The following ANO7 variants were observed in gnomAD, a reference collection of about 807,000 sequenced individuals.
ANO7 encodes anoctamin-7.
Under a neutral mutation model 115.8 loss-of-function variants are expected in ANO7, and 114 were observed. That is an observed-to-expected ratio of 0.98 (90% CI 0.85 to 1.15). The LOEUF (loss-of-function observed/expected upper bound fraction) is 1.15, where lower values mean the gene tolerates loss of function less well. Ranked by LOEUF, ANO7 falls within the 50% of genes most tolerant of loss-of-function variation. The probability of loss-of-function intolerance (pLI) is 0.00; values close to 1 mark genes in which losing one functional copy is unlikely to be tolerated. For synonymous variants in ANO7, 550 were observed against 498.2 expected, an observed-to-expected ratio of 1.10 and a Z score of -1.38; for missense variants, 1,302 against 1,201.2, an observed-to-expected ratio of 1.08 and a Z score of -1.24.
intron 21 of ANO7, 76 bp from the exon 22 acceptor site, chr2:241,223,110 T>TAGG: frequency 7.6e-7 from 1 of 1,309,802 alleles, no homozygotes; most frequent in East Asian, 2.3e-5. Context: ...AAAGGGGAGA[T>TAGG]AGGCTAATTC....
At chr2:241,196,644 A>G (rs552321356) in intron 4 of ANO7, among the ~76,000 whole-genome samples, 5 of 152,336 alleles carry the variant, frequency 3.3e-5, no homozygotes, top group Non-Finnish European at 7.3e-5. Flanking sequence ...GGCAGAGCTG[A>G]ATCTCATGCG....
In ANO7 at chr2:241,210,281, C is replaced by T. The variant is rs762734506; in HGVS notation, c.1360-14C>T. The T allele has an allele frequency of 6.2e-7, 1 of 1,613,386 alleles. No homozygotes were observed. The stretch of plus-strand genomic sequence containing the variant: ...ACACCGTGAAGGGTCTCACGGGCCT[C>T]CCTGCCCCCGCAGGTGGCCGTGGTG... On this transcript the variant is annotated splice_polypyrimidine_tract_variant and intron_variant, in intron 13 of 24. Coordinates refer to ENST00000674324, the MANE Select transcript of ANO7 (RefSeq NM_001370694.2).
intron 3 of ANO7, among the ~76,000 whole-genome samples, chr2:241,194,179 AT>A (rs59855055): frequency 0.26 from 32,135 of 123,884 alleles, 3,450 homozygotes; most frequent in Middle Eastern, 0.35. Context: ...CTGGCCTTTA[AT>A]TTTTTTTTTT....
At chr2:241,196,838 CGTGTGTGTGTGTGTGTGTGTGTGTGT>C (rs60120827) in intron 4 of ANO7, among the ~76,000 whole-genome samples, 11 of 147,022 alleles carry the variant, frequency 7.5e-5, no homozygotes, top group African/African-American at 1.8e-4. Context: ...TCAATTCATT[CGTGTGTGTGTGTGTGTGTGTGTGTGT>C]GTGTGTGTGT....
At chr2:241,211,864 A>G (rs1359719957) in intron 15 of ANO7, among the ~76,000 whole-genome samples, 1 of 152,168 alleles carries the variant, frequency 6.6e-6, no homozygotes, top group African/African-American at 2.4e-5. Flanking sequence ...TGTGCACCAC[A>G]TTCATTATTA....
intron 3 of ANO7, among the ~76,000 whole-genome samples, chr2:241,193,939 C>T (rs62187429): frequency 0.3 from 46,198 of 152,168 alleles, 8,574 homozygotes; most frequent in Middle Eastern, 0.46. Context: ...TGCAAGGGCA[C>T]GATCTTGGCT....
At chr2:241,201,183 C>G in intron 6 of ANO7, 115 bp from the exon 7 acceptor site, 1 of 1,255,942 alleles carries the variant, frequency 8.0e-7, no homozygotes, top group East Asian at 2.8e-5. Context: ...GCGCCAGCAC[C>G]CGGGCCCCAA....
chr2:241,221,933 G>C (rs891688809), intron 21 of ANO7, among the ~76,000 whole-genome samples: 2 of 152,158 alleles, frequency 1.3e-5, no homozygotes, highest in African/African-American at 4.8e-5. Flanking sequence ...ACCTGTCTCA[G>C]CCTTCTAAAG....
chr2:241,212,328 A>G (rs2068735643), intron 16 of ANO7, 123 bp downstream of exon 16: 1 of 1,076,626 alleles, frequency 9.3e-7, no homozygotes, highest in Non-Finnish European at 1.4e-6. Context: ...GGAACCGGAG[A>G]CCCAGGCAGG....
rs745318300 is a variant in ANO7 at position 241,223,798 on chromosome 2, A to T, written c.2532+17A>T. ...GAGAATGAGGTGAACTGTACAGCCC[A>T]GTCTCGGCCCTCCCCCCAGCCCTCT... On this transcript the variant is annotated intron_variant, in intron 23 of 24. Transcript: ENST00000674324. 1.1e-5 allele frequency: 17 copies of T among 1,614,200 alleles called. No homozygotes were observed. In the South Asian group the frequency reaches 1.8e-4, roughly 17 times the overall value.
At position 241,209,489 on chromosome 2, in the gene ANO7, C is replaced by G; in HGVS notation, c.1222-9C>G. The stretch of plus-strand genomic sequence containing the variant: ...CGAGGGCCGCCACTGAGCACCGGCT[C>G]CCTTCCAGGAGAGGCCTCGGCCCCA... On this transcript the variant is annotated splice_polypyrimidine_tract_variant and intron_variant, in intron 12 of 24. Coordinates refer to ENST00000674324, the MANE Select transcript of ANO7 (RefSeq NM_001370694.2). 6.3e-7 allele frequency: 1 copy of G among 1,598,374 alleles called. No homozygotes were observed. Among genetic ancestry groups the G allele is most frequent in the African/African-American group, 1.3e-5 (1 of 74,794 alleles).
At chr2:241,209,750 C>A in intron 13 of ANO7, 115 bp downstream of exon 13, 1 of 1,384,558 alleles carries the variant, frequency 7.2e-7, no homozygotes, top group Non-Finnish European at 9.5e-7. Context: ...GGGCACAGAA[C>A]CCTCACTCCC....
At chr2:241,192,783 C>T (rs1387417767) in intron 3 of ANO7, among the ~76,000 whole-genome samples, 5 of 152,158 alleles carry the variant, frequency 3.3e-5, no homozygotes, top group East Asian at 1.9e-4. Context: ...AACGGGGATG[C>T]GCCTTGTGGA....
At chr2:241,232,405 A>AGCTG in the ANO7 span, among the ~76,000 whole-genome samples, 1 of 151,992 alleles carries the variant, frequency 6.6e-6, no homozygotes, top group East Asian at 1.9e-4. Context: ...TCTCCCGAGT[A>AGCTG]GCTGGGATTA....
At position 241,224,339 on chromosome 2, in the gene ANO7, A is replaced by G; in HGVS notation, c.*186A>G. 1 of 643,920 alleles carries G rather than the reference A, an allele frequency of 1.6e-6. No individual in the cohort carries two copies. Among genetic ancestry groups the G allele is most frequent in the South Asian group, 2.0e-5 (1 of 50,956 alleles). 39.9% of individuals were successfully genotyped at this position (643,920 alleles called of 1,614,324 possible). Reference sequence around the variant, plus strand: ...CTCTCCTCAGAGCGCCTGTCACTCCATCCCCGGCAGGGAGGGACCGTCAGC... The same window carrying G: ...CTCTCCTCAGAGCGCCTGTCACTCCGTCCCCGGCAGGGAGGGACCGTCAGC... On this transcript the variant is annotated 3_prime_UTR_variant, in exon 25 of 25. Transcript: ENST00000674324.
chr2:241,199,660 A>C (rs1196047361), intron 5 of ANO7, among the ~76,000 whole-genome samples: 1 of 152,122 alleles, frequency 6.6e-6, no homozygotes, highest in Non-Finnish European at 1.5e-5. Context: ...GTGTGCACTG[A>C]GCTGGCCCCT....
chr2:241,238,890 G>T, the ANO7 span: 16 of 928,178 alleles, frequency 1.7e-5, no homozygotes, highest in Admixed American at 2.4e-4. This position sits in a 1 kb window ranked among gnomAD's most constrained non-coding sequence, Gnocchi z 4.9. Flanking sequence ...GTCCTCTACA[G>T]CCACTTGGCA....
At chr2:241,238,589 C>T in the ANO7 span, 24 of 1,346,562 alleles carry the variant, frequency 1.8e-5, no homozygotes, top group Middle Eastern at 2.0e-4. This position sits in a 1 kb window ranked among gnomAD's most constrained non-coding sequence, Gnocchi z 4.9. Flanking sequence ...GCGACAGCCC[C>T]GCCTCTCACA....
intron 7 of ANO7, among the ~76,000 whole-genome samples, chr2:241,201,577 C>A (rs933108891): frequency 6.6e-6 from 1 of 152,232 alleles, no homozygotes; most frequent in Non-Finnish European, 1.5e-5. Flanking sequence ...AGTTCCCCTC[C>A]GGGACCCCAG....
Sources: gnomAD v4.1 joint callset for allele counts (sites outside exome capture counted in the v4.1 genomes callset) on GRCh38, gnomAD v4.1.1 for gene constraint, Gnocchi (gnomAD v3.1) non-coding constraint, MANE v1.5 for transcripts, NCBI Gene and HGNC (gene_info 2026-07-23, HGNC 2026-07-21) for gene names.